The following ZMYM2 variants were observed in gnomAD, a reference collection of about 807,000 sequenced individuals.
ZMYM2 encodes the protein zinc finger MYM-type protein 2.
In ZMYM2, 56 loss-of-function variants were observed where a neutral mutation model predicts 162.8. The observed-to-expected ratio is 0.34, with a 90% CI of 0.28 to 0.43. ZMYM2 has a LOEUF of 0.43. Among genes scored for constraint, ZMYM2 ranks in the 20% least tolerant of loss-of-function variants. The pLI is 1.00. For synonymous variants in ZMYM2, 510 were observed against 541.6 expected, an observed-to-expected ratio of 0.94 and a Z score of 0.81; for missense variants, 1,275 against 1,621.8, an observed-to-expected ratio of 0.79 and a Z score of 3.67.
chr13:19,927,848 CATAAT>C, the ZMYM2 span, among the ~76,000 whole-genome samples: 7 of 152,158 alleles, frequency 4.6e-5, no homozygotes, highest in African/African-American at 1.2e-4. Context: ...ATGGGATTAA[CATAAT>C]ATTTCACTAT....
chr13:20,066,481 A>G (rs964342429), intron 19 of ZMYM2: 1 of 162,858 alleles, frequency 6.1e-6, no homozygotes, highest in African/African-American at 2.4e-5. Flanking sequence ...TTTATATGCT[A>G]CATACTGTAT....
intron 2 of ZMYM2, among the ~76,000 whole-genome samples, chr13:19,987,600 T>G (rs1156385367): frequency 7.2e-6 from 1 of 139,772 alleles, no homozygotes; most frequent in African/African-American, 2.7e-5. Context: ...TGTGTGTGTA[T>G]AGGAAAGATG....
At chr13:19,930,219 G>A in the ZMYM2 span, among the ~76,000 whole-genome samples, 41 of 152,238 alleles carry the variant, frequency 2.7e-4, no homozygotes, top group African/African-American at 8.4e-4. Context: ...TGGCCAACAT[G>A]GTGAAACCCC....
At chr13:20,055,891 C>G (rs914499836) in intron 14 of ZMYM2, among the ~76,000 whole-genome samples, 1 of 151,990 alleles carries the variant, frequency 6.6e-6, no homozygotes, top group Non-Finnish European at 1.5e-5. Flanking sequence ...TATGTGAGAG[C>G]TAGCTGGCTT....
chr13:19,923,079 C>T, the ZMYM2 span, among the ~76,000 whole-genome samples: 4 of 150,408 alleles, frequency 2.7e-5, no homozygotes, highest in African/African-American at 9.8e-5. Flanking sequence ...ATGGCTCACG[C>T]CTGTAATCCC....
At chr13:20,059,127 T>C (rs1327335762) in intron 15 of ZMYM2, among the ~76,000 whole-genome samples, 1 of 152,112 alleles carries the variant, frequency 6.6e-6, no homozygotes, top group East Asian at 1.9e-4. Flanking sequence ...ATTCTAATTA[T>C]TTGATTAAAT....
chr13:19,971,949 G>T (rs1328365406), intron 2 of ZMYM2, among the ~76,000 whole-genome samples: 1 of 151,958 alleles, frequency 6.6e-6, no homozygotes, highest in East Asian at 1.9e-4. Context: ...GGAGTTTAGG[G>T]GTATTAGGGT....
upstream of ZMYM2, among the ~76,000 whole-genome samples, chr13:19,954,214 C>T (rs553989898): frequency 4.7e-4 from 67 of 141,972 alleles, 1 homozygote; most frequent in South Asian, 0.012. Flanking sequence ...CTGCAAGCTC[C>T]GCCTTCCGGG....
At chr13:20,001,039 T>C (rs1950349102) in intron 3 of ZMYM2, among the ~76,000 whole-genome samples, 2 of 152,120 alleles carry the variant, frequency 1.3e-5, no homozygotes, top group South Asian at 2.1e-4. Flanking sequence ...TTCAAGACTT[T>C]AGTGGAGGAA....
Position 20,087,381 on chromosome 13 carries a change from G to A in ZMYM2, c.*1367G>A, listed in dbSNP as rs1313830154. On this transcript the variant is annotated 3_prime_UTR_variant, in exon 25 of 25. Coordinates refer to ENST00000610343, the MANE Select transcript of ZMYM2 (RefSeq NM_197968.4). ...TTTCTAAAGACTGAACAAAGTGCTA[G>A]CTGCAAATTATCTTGAAATCATTTG... The A allele has an allele frequency of 5.3e-6, 1 of 190,294 alleles. No homozygotes were observed. The highest frequency in any genetic ancestry group is 1.1e-5 in the Non-Finnish European group (1 of 90,698). The allele number at this position is 190,294 out of a possible 1,614,324, so 11.8% of individuals were successfully genotyped here.
intron 2 of ZMYM2, among the ~76,000 whole-genome samples, chr13:19,978,112 A>C (rs192795022): frequency 1.3e-5 from 2 of 151,310 alleles, no homozygotes; most frequent in African/African-American, 4.9e-5. Context: ...CTCCTGACCT[A>C]GTGATCCTCC....
the ZMYM2 span, among the ~76,000 whole-genome samples, chr13:19,952,089 A>G: frequency 6.6e-6 from 1 of 152,212 alleles, no homozygotes; most frequent in African/African-American, 2.4e-5. Context: ...TTGTGACAAC[A>G]TGGATGAACC....
At chr13:20,002,808 A>G (rs1322647809) in intron 3 of ZMYM2, 42 bp from the exon 4 acceptor site, 7 of 1,592,036 alleles carry the variant, frequency 4.4e-6, no homozygotes, top group Non-Finnish European at 6.0e-6. Context: ...GTATAAACAA[A>G]CACTTGTTTC....
intron 12 of ZMYM2, among the ~76,000 whole-genome samples, chr13:20,040,494 C>T (rs909865443): frequency 4.6e-5 from 7 of 151,878 alleles, no homozygotes; most frequent in Admixed American, 3.3e-4. Context: ...CTTTATTAGT[C>T]TAGCTAGCAG....
chr13:19,997,418 G>A (rs1258978980), intron 3 of ZMYM2, among the ~76,000 whole-genome samples: 2 of 152,058 alleles, frequency 1.3e-5, no homozygotes, highest in African/African-American at 4.8e-5. Flanking sequence ...TACATACCTG[G>A]TATATAGTAG....
At chr13:20,005,019 C>T in intron 4 of ZMYM2, 55 bp from the exon 5 acceptor site, 2 of 1,448,864 alleles carry the variant, frequency 1.4e-6, no homozygotes, top group Admixed American at 2.1e-5. Flanking sequence ...ACTTATGACT[C>T]TTATATTTGA....
the ZMYM2 span, among the ~76,000 whole-genome samples, chr13:19,923,230 G>A: frequency 3.4e-5 from 5 of 148,322 alleles, no homozygotes; most frequent in Admixed American, 6.7e-5. Flanking sequence ...GATGGCGGGC[G>A]CCTGTAGTCC....
chr13:19,909,829 C>T, the ZMYM2 span, among the ~76,000 whole-genome samples: 3 of 152,202 alleles, frequency 2.0e-5, no homozygotes, highest in African/African-American at 4.8e-5. Flanking sequence ...AATAACTTCT[C>T]GTGTTTCTAA....
chr13:19,975,551 T>C (rs1310710222), intron 2 of ZMYM2, among the ~76,000 whole-genome samples: 1 of 152,254 alleles, frequency 6.6e-6, no homozygotes, highest in Non-Finnish European at 1.5e-5. Flanking sequence ...TTTACCAACA[T>C]TTTATTTAGC....
Sources: allele counts gnomAD v4.1 joint callset (sites outside exome capture counted in the v4.1 genomes callset), GRCh38; gene constraint gnomAD v4.1.1; transcripts MANE v1.5; gene names NCBI Gene and HGNC (gene_info 2026-07-23, HGNC 2026-07-21).